GCNT2: variants seen among roughly 807,000 people sequenced by gnomAD.
GCNT2 encodes glucosaminyl (N-acetyl) transferase 2 (I blood group).
Under a neutral mutation model 34.2 loss-of-function variants are expected in GCNT2, and 34 were observed. The observed-to-expected ratio is 1.00, with a 90% CI of 0.76 to 1.32. GCNT2 has a LOEUF of 1.32. Among genes scored for constraint, GCNT2 ranks in the 40% most tolerant of loss-of-function variants. The pLI, the probability that GCNT2 is intolerant of heterozygous loss-of-function variation, is 0.00. For missense variants in GCNT2, 584 were observed against 489.4 expected (o/e 1.19, Z -1.82); for synonymous variants, 212 against 188.0 (o/e 1.13, Z -1.04).
intron 3 of GCNT2, among the ~76,000 whole-genome samples, chr6:10,612,969 C>G (rs1377114415): frequency 6.6e-6 from 1 of 152,220 alleles, no homozygotes; most frequent in Non-Finnish European, 1.5e-5. Context: ...GAACCAATTT[C>G]AGCACTACCA....
chr6:10,525,334 CTT>C (rs767372933), intron 1 of GCNT2, among the ~76,000 whole-genome samples: 118 of 152,316 alleles, frequency 7.7e-4, no homozygotes, highest in Non-Finnish European at 1.3e-3. Context: ...GTTCAGAACT[CTT>C]TATTTATCCC....
chr6:10,615,997 T>G (rs1765741998), intron 3 of GCNT2, among the ~76,000 whole-genome samples: 1 of 152,176 alleles, frequency 6.6e-6, no homozygotes, highest in African/African-American at 2.4e-5. Context: ...CTGGAATTGG[T>G]GGGTTCTTGG....
chr6:10,535,538 A>G (rs1481612195), intron 3 of GCNT2, among the ~76,000 whole-genome samples: 1 of 152,092 alleles, frequency 6.6e-6, no homozygotes, highest in Non-Finnish European at 1.5e-5. Flanking sequence ...CTGAGTTATT[A>G]TTGATCCTCT....
chr6:10,564,393 C>T (rs1308925595), intron 3 of GCNT2, among the ~76,000 whole-genome samples: 1 of 152,190 alleles, frequency 6.6e-6, no homozygotes. Context: ...TAGCTCAGAC[C>T]TGCGGGCTGG....
At chr6:10,557,687 C>G (rs1054342162) in intron 3 of GCNT2, among the ~76,000 whole-genome samples, 2 of 152,022 alleles carry the variant, frequency 1.3e-5, no homozygotes, top group East Asian at 3.9e-4. Context: ...GACAGGGTCT[C>G]GCTATGTTGC....
intron 3 of GCNT2, among the ~76,000 whole-genome samples, chr6:10,608,294 C>G (rs1019707577): frequency 2.0e-5 from 3 of 151,998 alleles, no homozygotes; most frequent in East Asian, 1.9e-4. Flanking sequence ...TCAGGCTGGT[C>G]TCAAACTCCC....
chr6:10,559,631 C>T (rs1185230999), intron 3 of GCNT2, among the ~76,000 whole-genome samples: 1 of 152,248 alleles, frequency 6.6e-6, no homozygotes, highest in Non-Finnish European at 1.5e-5. Flanking sequence ...GAGCCTGGAT[C>T]ATGTACTGCC....
intron 3 of GCNT2, among the ~76,000 whole-genome samples, chr6:10,606,027 G>C (rs1765297203): frequency 6.6e-6 from 1 of 152,100 alleles, no homozygotes; most frequent in South Asian, 2.1e-4. Flanking sequence ...TGTTTTTTAA[G>C]TCTTTGGCCA....
At chr6:10,614,502 T>G (rs547031775) in intron 3 of GCNT2, among the ~76,000 whole-genome samples, 1 of 151,912 alleles carries the variant, frequency 6.6e-6, no homozygotes, top group Admixed American at 6.6e-5. Context: ...GGCACGCCCC[T>G]CTAGTCCCAG....
At chr6:10,556,116 T>A in intron 3 of GCNT2, 1 of 1,249,266 alleles carries the variant, frequency 8.0e-7, no homozygotes, top group South Asian at 1.8e-5. Context: ...GTTACCGGAG[T>A]TTTAGCAAAA....
At chr6:10,565,677 C>G (rs534268520) in intron 3 of GCNT2, among the ~76,000 whole-genome samples, 5 of 152,328 alleles carry the variant, frequency 3.3e-5, no homozygotes, top group Admixed American at 6.5e-5. Context: ...ATCTACCTTT[C>G]TCTACCTACA....
At chr6:10,527,254 GTC>G (rs1251183548) in intron 1 of GCNT2, 1 of 152,036 alleles carries the variant, frequency 6.6e-6, no homozygotes, top group African/African-American at 2.4e-5. Context: ...GTGAAACCCC[GTC>G]TCTACTAAAA....
intron 3 of GCNT2, among the ~76,000 whole-genome samples, chr6:10,596,656 T>C (rs1236692428): frequency 6.6e-6 from 1 of 152,058 alleles, no homozygotes; most frequent in East Asian, 1.9e-4. Flanking sequence ...GGGTACACTG[T>C]TTCCTGTGTA....
At chr6:10,544,939 C>CT (rs1762203775) in intron 3 of GCNT2, among the ~76,000 whole-genome samples, 1 of 140,118 alleles carries the variant, frequency 7.1e-6, no homozygotes, top group Admixed American at 6.9e-5. Flanking sequence ...AGCAAAAACT[C>CT]TGTCTCAAAT....
intron 1 of GCNT2, 133 bp from the exon 2 acceptor site, chr6:10,527,341 C>T (rs1336074016): frequency 2.0e-5 from 3 of 152,308 alleles, no homozygotes; most frequent in Non-Finnish European, 4.4e-5. Flanking sequence ...AGGAGAATCG[C>T]TTGAACCTGG....
At chr6:10,544,945 C>CAAAT (rs57813293) in intron 3 of GCNT2, among the ~76,000 whole-genome samples, 27,792 of 148,910 alleles carry the variant, frequency 0.19, 3,203 homozygotes, top group African/African-American at 0.32. Context: ...AACTCTGTCT[C>CAAAT]AAATAAATAA....
intron 3 of GCNT2, among the ~76,000 whole-genome samples, chr6:10,553,714 C>T (rs901190353): frequency 1.6e-4 from 24 of 152,048 alleles, no homozygotes; most frequent in Non-Finnish European, 2.6e-4. Flanking sequence ...GCCAACGTGG[C>T]GAAATCCCGT....
intron 3 of GCNT2, among the ~76,000 whole-genome samples, chr6:10,616,512 A>C (rs1277856443): frequency 6.6e-6 from 1 of 152,212 alleles, no homozygotes; most frequent in African/African-American, 2.4e-5. Context: ...TGAGCTAGAC[A>C]CAAAAGTTCT....
intron 3 of GCNT2, among the ~76,000 whole-genome samples, chr6:10,566,308 A>T (rs1004144916): frequency 3.3e-5 from 5 of 151,836 alleles, no homozygotes; most frequent in African/African-American, 7.3e-5. Flanking sequence ...CTTTAAAAAA[A>T]TTTTTAGGAG....
Sources: gnomAD v4.1 joint callset for allele counts (sites outside exome capture counted in the v4.1 genomes callset) on GRCh38, gnomAD v4.1.1 for gene constraint, MANE v1.5 for transcripts, NCBI Gene and HGNC (gene_info 2026-07-23, HGNC 2026-07-21) for gene names.